FRMD4A: variants seen among roughly 807,000 people sequenced by gnomAD.
The protein encoded by FRMD4A is FERM domain containing 4A.
A neutral mutation model predicts 129.1 loss-of-function variants in FRMD4A; 29 were observed. The observed-to-expected ratio is 0.22, with a 90% confidence interval of 0.17 to 0.31. The LOEUF (loss-of-function observed/expected upper bound fraction) is 0.31, where lower values mean the gene tolerates loss of function less well. Ranked by LOEUF, FRMD4A falls within the 10% of genes least tolerant of loss-of-function variation. The pLI, the probability that FRMD4A is intolerant of heterozygous loss-of-function variation, is 1.00. For synonymous variants in FRMD4A, 634 were observed against 571.6 expected (o/e 1.11, Z -1.56); for missense variants, 1,272 against 1,375.8 (o/e 0.92, Z 1.19).
intron 3 of FRMD4A, among the ~76,000 whole-genome samples, chr10:13,843,972 A>G (rs573003109): frequency 2.0e-5 from 3 of 152,322 alleles, no homozygotes; most frequent in Admixed American, 2.0e-4. Flanking sequence ...GTGTGGAAAG[A>G]TTATAATTTT....
intron 2 of FRMD4A, among the ~76,000 whole-genome samples, chr10:14,289,290 G>A (rs1451315538): frequency 6.6e-6 from 1 of 151,620 alleles, no homozygotes; most frequent in Non-Finnish European, 1.5e-5. Context: ...TTGTCTTTTG[G>A]GTTTTTTTTA....
At chr10:14,277,847 T>C (rs1444244292) in intron 2 of FRMD4A, among the ~76,000 whole-genome samples, 1 of 152,238 alleles carries the variant, frequency 6.6e-6, no homozygotes, top group East Asian at 1.9e-4. Flanking sequence ...TCCGGCATTC[T>C]CTGACTTCTC....
At chr10:14,001,753 C>T (rs182808745) in intron 2 of FRMD4A, among the ~76,000 whole-genome samples, 2 of 152,100 alleles carry the variant, frequency 1.3e-5, no homozygotes, top group Non-Finnish European at 2.9e-5. Flanking sequence ...TCCAGAGAGG[C>T]GTATATTTAT....
Position 13,704,288 on chromosome 10 carries a change from C to G in FRMD4A, c.836+2749G>C, listed in dbSNP as rs118088997. 2.6e-5 allele frequency among the ~76,000 whole-genome samples: 4 copies of G among 152,294 alleles called. No homozygotes were observed. The East Asian group carries it at 7.7e-4, about 29-fold the overall frequency. On this transcript the variant is annotated intron_variant, in intron 13 of 24. Coordinates refer to ENST00000357447, the MANE Select transcript of FRMD4A (RefSeq NM_018027.5). Reference sequence around the variant, plus strand: ...TGTGTGTCTTTAATGCTGAAGTCATCCCGGGTCTCCACCTCTGGCCTCCCT... The same window carrying G: ...TGTGTGTCTTTAATGCTGAAGTCATGCCGGGTCTCCACCTCTGGCCTCCCT...
At position 14,002,250 on chromosome 10, in the gene FRMD4A, A is replaced by G. The variant is rs1401281629; in HGVS notation, c.46-143338T>C. Among the ~76,000 whole-genome samples the G allele has an allele frequency of 2.0e-5, 3 of 152,230 alleles. No individual in the cohort carries two copies. The East Asian group carries it at 5.8e-4, about 29-fold the overall frequency. On this transcript the variant is annotated intron_variant, in intron 2 of 24. Coordinates refer to ENST00000357447, the MANE Select transcript of FRMD4A (RefSeq NM_018027.5). ...TTTCTTGTCTCATTTTTCCCCCAATAAAATCATCAGATTTGTACTACTTTG... is the reference window on the plus strand; with the variant it reads ...TTTCTTGTCTCATTTTTCCCCCAATGAAATCATCAGATTTGTACTACTTTG...
intron 2 of FRMD4A, among the ~76,000 whole-genome samples, chr10:13,860,587 C>T (rs1240549749): frequency 6.6e-6 from 1 of 152,122 alleles, no homozygotes; most frequent in Non-Finnish European, 1.5e-5. Flanking sequence ...TATTTAGTGG[C>T]TAACCGGCCG....
At position 14,039,824 on chromosome 10, in the gene FRMD4A, C is replaced by T. The variant is rs935839076; in HGVS notation, c.46-180912G>A. On this transcript the variant is annotated intron_variant, in intron 2 of 24. Coordinates refer to ENST00000357447, the MANE Select transcript of FRMD4A (RefSeq NM_018027.5). ...CCAAGCTGTACCCAACCACCTTGGG[C>T]GCATGTCGTCAGGACCTCGTGAGGC... is the stretch of plus-strand genomic sequence containing the variant. Among the ~76,000 whole-genome samples, 5 of 152,196 alleles carry T rather than the reference C, an allele frequency of 3.3e-5. No homozygotes were observed. The South Asian group carries it at 1.0e-3, about 32-fold the overall frequency.
At chr10:13,709,911 TG>T (rs1346498821) in intron 12 of FRMD4A, among the ~76,000 whole-genome samples, 1 of 152,216 alleles carries the variant, frequency 6.6e-6, no homozygotes, top group African/African-American at 2.4e-5. Flanking sequence ...CATAGGTTTT[TG>T]GGGAACAGGC....
chr10:14,032,636 G>T lies in FRMD4A; in HGVS notation c.46-173724C>A, dbSNP rs536231693. Among the ~76,000 whole-genome samples the T allele has an allele frequency of 4.6e-5, 7 of 152,296 alleles. No homozygotes were observed. The South Asian group carries it at 1.5e-3, about 32-fold the overall frequency. ...AGGCCACCAGGGGGCGCCAGCAAGGGGGAGCTGCTGGCGGACACCACCCTA... is the reference window on the plus strand; with the variant it reads ...AGGCCACCAGGGGGCGCCAGCAAGGTGGAGCTGCTGGCGGACACCACCCTA... On this transcript the variant is annotated intron_variant, in intron 2 of 24. Transcript: ENST00000357447.
At chr10:13,937,394 G>C (rs1212981364) in intron 2 of FRMD4A, among the ~76,000 whole-genome samples, 1 of 152,130 alleles carries the variant, frequency 6.6e-6, no homozygotes, top group African/African-American at 2.4e-5. Flanking sequence ...AAGAGTTAAC[G>C]TTTCATGTTG....
intron 2 of FRMD4A, among the ~76,000 whole-genome samples, chr10:14,257,150 G>C (rs900279316): frequency 1.1e-4 from 16 of 152,148 alleles, no homozygotes; most frequent in Admixed American, 6.5e-5. Flanking sequence ...GGCCAACCTG[G>C]TGAAACCCCA....
intron 8 of FRMD4A, among the ~76,000 whole-genome samples, chr10:13,758,734 G>C (rs1000681256): frequency 6.6e-6 from 1 of 152,126 alleles, no homozygotes; most frequent in Admixed American, 6.5e-5. Context: ...TCTCCCTTCA[G>C]TGTGTCCATG....
chr10:13,886,927 A>G (rs1453336253), intron 2 of FRMD4A, among the ~76,000 whole-genome samples: 1 of 152,266 alleles, frequency 6.6e-6, no homozygotes, highest in South Asian at 2.1e-4. Flanking sequence ...ATAATTGCTA[A>G]GAAGGCAGGA....
chr10:13,664,947 A>G (rs1053229887), intron 18 of FRMD4A, among the ~76,000 whole-genome samples: 2 of 152,104 alleles, frequency 1.3e-5, no homozygotes, highest in South Asian at 2.1e-4. Flanking sequence ...CAATGTCGCA[A>G]TCTCAGCTCA....
chr10:13,980,314 C>T (rs2095556138), intron 2 of FRMD4A, among the ~76,000 whole-genome samples: 1 of 152,182 alleles, frequency 6.6e-6, no homozygotes, highest in East Asian at 1.9e-4. Context: ...GGGACTCCAA[C>T]AAGCCCTCCG....
At chr10:14,208,351 G>C (rs1162641867) in intron 2 of FRMD4A, among the ~76,000 whole-genome samples, 1 of 152,118 alleles carries the variant, frequency 6.6e-6, no homozygotes, top group African/African-American at 2.4e-5. Flanking sequence ...GGCTCCCCCA[G>C]GTCTCTGGGG....
At chr10:14,146,996 T>C (rs1244363073) in intron 2 of FRMD4A, among the ~76,000 whole-genome samples, 1 of 152,256 alleles carries the variant, frequency 6.6e-6, no homozygotes, top group African/African-American at 2.4e-5. Flanking sequence ...AATGTAGATA[T>C]GCATGTCTTT....
intron 2 of FRMD4A, among the ~76,000 whole-genome samples, chr10:14,269,290 T>C (rs1845080171): frequency 6.6e-6 from 1 of 152,228 alleles, no homozygotes; most frequent in Non-Finnish European, 1.5e-5. Flanking sequence ...AAATCATCCA[T>C]GGTTGTATTC....
intron 15 of FRMD4A, among the ~76,000 whole-genome samples, chr10:13,689,859 G>T (rs1035200314): frequency 6.6e-6 from 1 of 152,036 alleles, no homozygotes; most frequent in Non-Finnish European, 1.5e-5. Flanking sequence ...CACTGTGCTG[G>T]GGTGAATATT....
Sources: gnomAD v4.1 joint callset for allele counts (sites outside exome capture counted in the v4.1 genomes callset) on GRCh38, gnomAD v4.1.1 for gene constraint, MANE v1.5 for transcripts, NCBI Gene and HGNC (gene_info 2026-07-23, HGNC 2026-07-21) for gene names.